The following FMN1 variants were observed in gnomAD, a reference collection of about 807,000 sequenced individuals.
FMN1 encodes formin-1.
In FMN1, 110 loss-of-function variants were observed where a neutral mutation model predicts 132.4. The ratio of observed to expected loss-of-function variants is 0.83; its 90% CI spans 0.71 to 0.97. The LOEUF (loss-of-function observed/expected upper bound fraction) is 0.97, where lower values mean the gene tolerates loss of function less well. Ranked by LOEUF, FMN1 falls within the 50% of genes least tolerant of loss-of-function variation. The probability of loss-of-function intolerance (pLI) is 0.00; values close to 1 mark genes in which losing one functional copy is unlikely to be tolerated. For synonymous variants in FMN1, 722 were observed against 651.7 expected (o/e 1.11, Z -1.64); for missense variants, 1,792 against 1,705.3 (o/e 1.05, Z -0.90).
At chr15:32,950,054 C>CATATACACATATAT (rs1567449820) in intron 9 of FMN1, among the ~76,000 whole-genome samples, 2 of 4,916 alleles carry the variant, frequency 4.1e-4, no homozygotes, top group Admixed American at 3.3e-3. Context: ...TATATATACA[C>CATATACACATATAT]ATATATATAT....
At position 33,154,592 on chromosome 15, in the gene FMN1, A is replaced by G. The variant is rs1964595598; in HGVS notation, c.323T>C (p.Leu108Pro). 6.5e-7 allele frequency: 1 copy of G among 1,536,042 alleles called. No individual in the cohort carries two copies. Among genetic ancestry groups the G allele is most frequent in the Non-Finnish European group, 8.7e-7 (1 of 1,146,876 alleles). The change falls in exon 4 of 21, where the codon CTG becomes CCG. Residue 108 changes from leucine to proline, a missense_variant. This residue lies in a region of FMN1 where 638 missense variants were observed against 645.2 expected (regional missense o/e 0.99). Coordinates refer to ENST00000616417, the MANE Select transcript of FMN1 (RefSeq NM_001277313.2). ...CTCCTGGTTCCCCATCGTGATCCCC[A>G]GGATGTGGTCTGAGCTCAGGAGATT... is the stretch of plus-strand genomic sequence containing the variant. ...LTNLLSSDHILGITMGNQEGK... is the reference protein window; with the variant it reads ...LTNLLSSDHIPGITMGNQEGK...
At chr15:32,998,071 G>T (rs2033882764) in intron 7 of FMN1, among the ~76,000 whole-genome samples, 4 of 152,212 alleles carry the variant, frequency 2.6e-5, no homozygotes, top group Admixed American at 2.6e-4. Flanking sequence ...TAAGATGATA[G>T]TAAGTGTGGG....
chr15:32,962,876 C>T (rs1419347935), intron 9 of FMN1, among the ~76,000 whole-genome samples: 2 of 150,570 alleles, frequency 1.3e-5, no homozygotes, highest in African/African-American at 4.9e-5. Context: ...GAAATAGGAA[C>T]ACTTTTACAC....
intron 6 of FMN1, among the ~76,000 whole-genome samples, chr15:33,019,947 G>A (rs759920819): frequency 3.5e-4 from 54 of 152,368 alleles, no homozygotes; most frequent in Middle Eastern, 3.4e-3. Flanking sequence ...GGGCTGAAGG[G>A]CTCAAGTGTG....
chr15:32,904,121 G>T lies in FMN1; in HGVS notation c.3378-2081C>A, dbSNP rs2060363590. Among the ~76,000 whole-genome samples the T allele has an allele frequency of 2.6e-5, 4 of 152,214 alleles. No homozygotes were observed. In the South Asian group the frequency reaches 8.3e-4, roughly 32 times the overall value. ...CAGTCCCATCTTGATAATCTGAGAA[G>T]TAAACCAACAATTACTGTGGAGTGT... On this transcript the variant is annotated intron_variant, in intron 12 of 20. Transcript: ENST00000616417.
intron 16 of FMN1, among the ~76,000 whole-genome samples, chr15:32,877,589 G>A (rs1297541167): frequency 2.6e-5 from 4 of 152,066 alleles, no homozygotes; most frequent in Admixed American, 6.6e-5. Flanking sequence ...TTCAGGAGTT[G>A]GAATATACCT....
At chr15:32,872,891 T>A (rs533678443) in intron 16 of FMN1, among the ~76,000 whole-genome samples, 1 of 149,754 alleles carries the variant, frequency 6.7e-6, no homozygotes, top group Non-Finnish European at 1.5e-5. Context: ...AAATGAACCA[T>A]GAGGGAATAA....
At chr15:33,077,528 C>T (rs1287213357) in intron 5 of FMN1, among the ~76,000 whole-genome samples, 1 of 151,758 alleles carries the variant, frequency 6.6e-6, no homozygotes, top group African/African-American at 2.4e-5. Context: ...CCTGACTCCA[C>T]AACAGGCCCC....
chr15:32,802,800 A>G (rs756518638), intron 18 of FMN1, among the ~76,000 whole-genome samples: 15 of 152,232 alleles, frequency 9.9e-5, no homozygotes, highest in Non-Finnish European at 1.9e-4. Flanking sequence ...GGATGTTTCT[A>G]TAACACAGAC....
chr15:32,855,483 T>C (rs2059110856), intron 17 of FMN1, among the ~76,000 whole-genome samples: 1 of 152,176 alleles, frequency 6.6e-6, no homozygotes, highest in South Asian at 2.1e-4. Context: ...GATTTGCAAA[T>C]TGCTTTTCCA....
At chr15:32,888,883 G>A (rs1041511487) in intron 15 of FMN1, among the ~76,000 whole-genome samples, 19 of 144,706 alleles carry the variant, frequency 1.3e-4, no homozygotes, top group African/African-American at 5.0e-4. Flanking sequence ...TTTGGAGATA[G>A]GGCCTTGCTT....
intron 6 of FMN1, among the ~76,000 whole-genome samples, chr15:33,039,050 C>G (rs972680530): frequency 2.0e-5 from 3 of 152,076 alleles, no homozygotes; most frequent in African/African-American, 7.2e-5. Flanking sequence ...CCACTGAAGA[C>G]TGAGAAAAAC....
chr15:33,168,370 C>T (rs1965189720), intron 3 of FMN1, among the ~76,000 whole-genome samples: 1 of 152,114 alleles, frequency 6.6e-6, no homozygotes, highest in Admixed American at 6.5e-5. Flanking sequence ...GATCTATGTG[C>T]CCCTTGATCA....
intron 6 of FMN1, among the ~76,000 whole-genome samples, chr15:33,054,613 T>C (rs1417551853): frequency 6.6e-6 from 1 of 152,196 alleles, no homozygotes; most frequent in African/African-American, 2.4e-5. Flanking sequence ...CCTCCTCTTC[T>C]ACATGAAATG....
intron 7 of FMN1, among the ~76,000 whole-genome samples, chr15:32,986,758 T>C (rs1278542003): frequency 6.6e-6 from 1 of 152,080 alleles, no homozygotes; most frequent in African/African-American, 2.4e-5. Flanking sequence ...GATTCTCTTC[T>C]CCTGGAATAT....
intron 17 of FMN1, among the ~76,000 whole-genome samples, chr15:32,854,030 G>A (rs2059069325): frequency 1.3e-5 from 2 of 152,184 alleles, no homozygotes; most frequent in Non-Finnish European, 2.9e-5. Flanking sequence ...CCACACTCAA[G>A]AAGTAGAAGA....
At chr15:32,814,441 A>G (rs1361152837) in intron 17 of FMN1, among the ~76,000 whole-genome samples, 1 of 152,212 alleles carries the variant, frequency 6.6e-6, no homozygotes, top group Non-Finnish European at 1.5e-5. Flanking sequence ...GACCTTATAC[A>G]ATACTTTAGA....
At chr15:33,126,884 G>A (rs116915747) in intron 4 of FMN1, among the ~76,000 whole-genome samples, 91 of 152,258 alleles carry the variant, frequency 6.0e-4, no homozygotes, top group Non-Finnish European at 1.2e-3. Context: ...AAATAACTGT[G>A]GCTGTATAAC....
In FMN1 at chr15:32,804,341, G is replaced by C; in HGVS notation, c.3929-9C>G. 6.5e-7 allele frequency: 1 copy of C among 1,533,546 alleles called. No individual in the cohort carries two copies. Among genetic ancestry groups the C allele is most frequent in the South Asian group, 1.2e-5 (1 of 83,502 alleles). 95.0% of individuals were successfully genotyped at this position (1,533,546 alleles called of 1,614,324 possible). Reference sequence around the variant, plus strand: ...CTTATGCTCTTTTTTGGCTGTAAAAGATAAATCATGATTAAAAATTTTTTC... The same window carrying C: ...CTTATGCTCTTTTTTGGCTGTAAAACATAAATCATGATTAAAAATTTTTTC... On this transcript the variant is annotated splice_polypyrimidine_tract_variant and intron_variant, in intron 17 of 20. Transcript: ENST00000616417.
Sources: allele counts gnomAD v4.1 joint callset (sites outside exome capture counted in the v4.1 genomes callset), GRCh38; gene constraint gnomAD v4.1.1; regional missense constraint gnomAD v4.1.1; transcripts MANE v1.5; gene names NCBI Gene and HGNC (gene_info 2026-07-23, HGNC 2026-07-21).